Variants in PRH1 observed in about 807,000 individuals in gnomAD.
PRH1 encodes proline rich protein HaeIII subfamily 1, also known as salivary acidic proline-rich phosphoprotein 1/2.
Under a neutral mutation model 7.9 loss-of-function variants are expected in PRH1, and 7 were observed. That is an observed-to-expected ratio of 0.89 (90% CI 0.50 to 1.67). The LOEUF is 1.67. Ranked by LOEUF, PRH1 falls within the 40% of genes most tolerant of loss-of-function variation. PRH1 has a pLI of 0.00. For missense variants in PRH1, 109 were observed against 223.6 expected, an observed-to-expected ratio of 0.49 and a Z score of 3.27; for synonymous variants, 45 against 80.8, an observed-to-expected ratio of 0.56 and a Z score of 2.38.
At chr12:10,890,214 G>A (rs1372115163) in intron 2 of PRH1, among the ~76,000 whole-genome samples, 1 of 152,156 alleles carries the variant, frequency 6.6e-6, no homozygotes, top group Admixed American at 6.6e-5. Flanking sequence ...TGGCCAGGGA[G>A]TTTGTCCCAC....
At chr12:11,062,314 A>C in intron 1 of PRH1, 2 of 1,577,482 alleles carry the variant, frequency 1.3e-6, no homozygotes, top group Non-Finnish European at 1.7e-6. Context: ...GACAAAAAGA[A>C]ATTTTTAAAA....
intron 2 of PRH1, among the ~76,000 whole-genome samples, chr12:10,972,934 C>CCG (rs1240020767): frequency 5.8e-5 from 7 of 120,858 alleles, no homozygotes; most frequent in Non-Finnish European, 1.1e-4. Context: ...CACAACCCAC[C>CCG]CCCCCCGCCC....
intron 1 of PRH1, chr12:11,078,492 A>G (rs1944385401): frequency 6.7e-6 from 1 of 148,960 alleles, no homozygotes; most frequent in Non-Finnish European, 1.5e-5. Flanking sequence ...CTCTTCATAT[A>G]CTATCTGTCC....
chr12:10,945,442 C>T (rs1310154826), intron 2 of PRH1, among the ~76,000 whole-genome samples: 1 of 152,016 alleles, frequency 6.6e-6, no homozygotes, highest in Non-Finnish European at 1.5e-5. Context: ...TTCAGTGATG[C>T]CCCCTAAGCC....
chr12:10,928,796 T>G (rs78571954), intron 2 of PRH1, among the ~76,000 whole-genome samples: 3 of 152,276 alleles, frequency 2.0e-5, no homozygotes, highest in South Asian at 2.1e-4. Context: ...GAGATGGAAA[T>G]AGGCTATCAA....
intron 1 of PRH1, among the ~76,000 whole-genome samples, chr12:11,033,422 C>G (rs1418063792): frequency 6.6e-6 from 1 of 150,918 alleles, no homozygotes; most frequent in Non-Finnish European, 1.5e-5. Context: ...CATCAAACGA[C>G]ATGTGAGATA....
chr12:11,022,750 T>C, intron 1 of PRH1: 1 of 576,446 alleles, frequency 1.7e-6, no homozygotes, highest in Non-Finnish European at 3.1e-6. Flanking sequence ...AATTCAAAAC[T>C]GTCTTTATAG....
At chr12:11,118,464 C>T (rs558496026), downstream of PRH1, among the ~76,000 whole-genome samples, 9 of 151,780 alleles carry the variant, frequency 5.9e-5, no homozygotes, top group South Asian at 4.2e-4. Flanking sequence ...CACTGTACAC[C>T]GCAGGTGGGA....
downstream of PRH1, among the ~76,000 whole-genome samples, chr12:11,119,913 T>C (rs1243766003): frequency 6.6e-6 from 1 of 152,244 alleles, no homozygotes; most frequent in Non-Finnish European, 1.5e-5. Context: ...TTATATTTTA[T>C]GGACTGGCTA....
At chr12:10,953,251 G>A (rs1213812325) in intron 2 of PRH1, among the ~76,000 whole-genome samples, 1 of 151,736 alleles carries the variant, frequency 6.6e-6, no homozygotes, top group Non-Finnish European at 1.5e-5. Flanking sequence ...AAATGACCAC[G>A]CTAGTTCCCT....
upstream of PRH1, among the ~76,000 whole-genome samples, chr12:10,884,803 C>G (rs1017529491): frequency 3.9e-5 from 6 of 152,120 alleles, no homozygotes; most frequent in African/African-American, 1.4e-4. Context: ...ACAGCACACT[C>G]CCAGGCACAC....
chr12:11,071,712 T>C (rs1944077646), intron 1 of PRH1, among the ~76,000 whole-genome samples: 1 of 119,390 alleles, frequency 8.4e-6, no homozygotes, highest in Admixed American at 8.3e-5. Flanking sequence ...GCACTCTTCC[T>C]TAGAGTCTGT....
intron 1 of PRH1, among the ~76,000 whole-genome samples, chr12:11,041,583 A>G (rs1291295988): frequency 6.6e-6 from 1 of 152,204 alleles, no homozygotes; most frequent in Non-Finnish European, 1.5e-5. Flanking sequence ...CAGACAGAAA[A>G]TCAACAAAGA....
intron 2 of PRH1, among the ~76,000 whole-genome samples, chr12:10,910,682 A>G (rs1949886075): frequency 6.6e-6 from 1 of 152,190 alleles, no homozygotes; most frequent in African/African-American, 2.4e-5. Context: ...ACCGAAAAAA[A>G]GTGGATTACC....
chr12:11,084,945 T>C (rs1944636189), intron 1 of PRH1, among the ~76,000 whole-genome samples: 1 of 113,030 alleles, frequency 8.8e-6, no homozygotes, highest in Admixed American at 9.0e-5. Context: ...CCTGAATACT[T>C]GGGATTACAG....
At chr12:10,926,777 G>A (rs1158433001) in intron 2 of PRH1, among the ~76,000 whole-genome samples, 1 of 152,192 alleles carries the variant, frequency 6.6e-6, no homozygotes, top group Non-Finnish European at 1.5e-5. Context: ...GAGGATTTTT[G>A]AACCACTAGG....
chr12:10,925,859 C>G (rs935665175), intron 2 of PRH1, among the ~76,000 whole-genome samples: 5 of 152,110 alleles, frequency 3.3e-5, no homozygotes, highest in African/African-American at 1.2e-4. Context: ...GCCTTCTATT[C>G]CACTTAATAC....
chr12:10,971,547 A>G (rs1351560518), intron 2 of PRH1, among the ~76,000 whole-genome samples: 3 of 152,184 alleles, frequency 2.0e-5, no homozygotes, highest in Admixed American at 6.5e-5. Flanking sequence ...AACTTTAGCT[A>G]TGAAAACACA....
rs118143412 is a variant in PRH1 at position 10,893,805 on chromosome 12, A to G, written c.-58-9530T>C. 4.5e-4 allele frequency among the ~76,000 whole-genome samples: 69 copies of G among 152,220 alleles called. No individual in the cohort carries two copies. The East Asian group carries it at 0.01, about 23-fold the overall frequency. On this transcript the variant is annotated intron_variant, in intron 2 of 3. Coordinates refer to the PRH1 transcript ENST00000539853. ...CTGAAAATTATATTATTTGCTTGCAATATGTTCTTTTTTTTCTTAGAGAGA... is the reference window on the plus strand; with the variant it reads ...CTGAAAATTATATTATTTGCTTGCAGTATGTTCTTTTTTTTCTTAGAGAGA...
Sources: gnomAD v4.1 joint callset for allele counts (sites outside exome capture counted in the v4.1 genomes callset) on GRCh38, gnomAD v4.1.1 for gene constraint, MANE v1.5 for transcripts, NCBI Gene and HGNC (gene_info 2026-07-23, HGNC 2026-07-21) for gene names.